Variants in ACO1 observed in about 807,000 individuals in gnomAD.
ACO1 encodes aconitase 1.
In ACO1, 78 loss-of-function variants were observed where a neutral mutation model predicts 105.1. The observed-to-expected ratio is 0.74, with a 90% CI of 0.62 to 0.90. ACO1 has a LOEUF of 0.90. ACO1 is among the 40% of genes least tolerant of loss of function. The probability of loss-of-function intolerance (pLI) is 0.00; values close to 1 mark genes in which losing one functional copy is unlikely to be tolerated. For missense variants in ACO1, 965 were observed against 1,111.1 expected (o/e 0.87, Z 1.87); for synonymous variants, 364 against 397.4 (o/e 0.92, Z 1.00).
chr9:32,406,152 A>G (rs1342553308), intron 2 of ACO1, among the ~76,000 whole-genome samples: 3 of 152,232 alleles, frequency 2.0e-5, no homozygotes, highest in Admixed American at 6.5e-5. Flanking sequence ...TCCAGTTACC[A>G]CTGGCCATGC....
chr9:32,425,953 C>T lies in ACO1; in HGVS notation c.1304C>T (p.Thr435Ile). The change falls in exon 11 of 21, where the codon ACT becomes ATT. Residue 435 changes from threonine (T) to isoleucine (I), a missense_variant. Transcript: ENST00000309951. Reference protein sequence around the residue: ...AHGSVVIAAITSCTNTSNPSV... With the variant: ...AHGSVVIAAIISCTNTSNPSV... ...GGTTCTGTGGTCATTGCTGCCATTA[C>T]TAGCTGCACAAACACCAGTAATCCG... 7 of 1,614,074 alleles carry T rather than the reference C, an allele frequency of 4.3e-6. No individual in the cohort carries two copies. Among genetic ancestry groups the T allele is most frequent in the Non-Finnish European group, 5.1e-6 (6 of 1,179,978 alleles).
chr9:32,418,470 C>G lies in ACO1; in HGVS notation c.617C>G (p.Ser206Trp). ...CCAGACAGCCTCGTGGGCACAGACTCGCACACTACCATGATTGATGGCTTG... is the reference window on the plus strand; with the variant it reads ...CCAGACAGCCTCGTGGGCACAGACTGGCACACTACCATGATTGATGGCTTG... ...YYPDSLVGTDSHTTMIDGLGI... is the reference protein window; with the variant it reads ...YYPDSLVGTDWHTTMIDGLGI... Residue 206 changes from serine (S) to tryptophan (W), a missense_variant, in exon 6 of 21, where the codon TCG becomes TGG. Ser to Trp is a radical substitution (Grantham distance 177, BLOSUM62 -3). Coordinates refer to ENST00000309951, the MANE Select transcript of ACO1 (RefSeq NM_002197.3). 6.2e-7 allele frequency: 1 copy of G among 1,614,138 alleles called. No homozygotes were observed. The highest frequency in any genetic ancestry group is 8.5e-7 in the Non-Finnish European group (1 of 1,180,010).
At chr9:32,432,491 TCTTCACAAGGTG>T (rs1325768307) in intron 15 of ACO1, among the ~76,000 whole-genome samples, 1 of 152,186 alleles carries the variant, frequency 6.6e-6, no homozygotes, top group Non-Finnish European at 1.5e-5. Flanking sequence ...CACGCTGCAC[TCTTCACAAGGTG>T]CTCCTTGGGA....
At chr9:32,414,818 T>A (rs983277540) in intron 4 of ACO1, among the ~76,000 whole-genome samples, 1 of 152,184 alleles carries the variant, frequency 6.6e-6, no homozygotes, top group Non-Finnish European at 1.5e-5. Context: ...TTTCCTTTTT[T>A]AAAAAAATTA....
rs140425618 is a variant in ACO1 at position 32,422,561 on chromosome 9, G to A, written c.971-758G>A. Among the ~76,000 whole-genome samples, 730 of 152,274 alleles carry A rather than the reference G, an allele frequency of 4.8e-3. 7 individuals carry two copies. Among genetic ancestry groups the A allele is most frequent in the African/African-American group, 0.016 (680 of 41,558 alleles). On this transcript the variant is annotated intron_variant, in intron 8 of 20. Coordinates refer to ENST00000309951, the MANE Select transcript of ACO1 (RefSeq NM_002197.3). Reference sequence around the variant, plus strand: ...CAGAGAAATTGTGGACTGCATGTCCGTTGGGCATACTTCATGAGTATTATC... The same window carrying A: ...CAGAGAAATTGTGGACTGCATGTCCATTGGGCATACTTCATGAGTATTATC...
rs1483168076 is a variant in ACO1, at chr9:32,453,512, A to G, written c.*3401A>G. 3 of 152,082 alleles carry G rather than the reference A, an allele frequency of 2.0e-5. No individual in the cohort carries two copies. The highest frequency in any genetic ancestry group is 1.3e-4 in the Admixed American group (2 of 15,262). 9.4% of individuals were successfully genotyped at this position (152,082 alleles called of 1,614,324 possible). A position where few individuals can be genotyped will look rare whatever the true frequency, so the allele number is the denominator to read the frequency against. On this transcript the variant is annotated 3_prime_UTR_variant, in exon 21 of 21. Transcript: ENST00000309951. ...CATACCTTCTGTTGGCCTCTGCAGT[A>G]GAGTGGCCTCTTCTGGGCCCTTCCA...
At chr9:32,394,136 AC>A (rs1821322010) in intron 1 of ACO1, among the ~76,000 whole-genome samples, 2 of 152,170 alleles carry the variant, frequency 1.3e-5, no homozygotes, top group Admixed American at 1.3e-4. Flanking sequence ...ACAATGTCAC[AC>A]TTTTGTGCCT....
At chr9:32,431,637 G>A (rs574949939) in intron 14 of ACO1, 82 bp from the exon 15 acceptor site, 23 of 1,478,080 alleles carry the variant, frequency 1.6e-5, no homozygotes, top group East Asian at 6.8e-5. Context: ...CATAACTACC[G>A]AGGAGAACGA....
intron 1 of ACO1, among the ~76,000 whole-genome samples, chr9:32,393,041 A>T (rs997374199): frequency 6.6e-6 from 1 of 152,204 alleles, no homozygotes; most frequent in Non-Finnish European, 1.5e-5. Flanking sequence ...TTAACTGCAC[A>T]AATTGTTTGT....
At position 32,439,054 on chromosome 9, in the gene ACO1, T is replaced by C. The variant is rs1390047680; in HGVS notation, c.2248-1411T>C. 5.3e-5 allele frequency among the ~76,000 whole-genome samples: 8 copies of C among 152,216 alleles called. No homozygotes were observed. Among genetic ancestry groups the C allele is most frequent in the Non-Finnish European group, 5.9e-5 (4 of 68,038 alleles). On this transcript the variant is annotated intron_variant, in intron 18 of 20. Transcript: ENST00000309951. This position sits in a 1 kb window ranked among gnomAD's most constrained non-coding sequence, Gnocchi z 4.0. ...TCTAAGCTGTCAGTGGCTCTCAGCA[T>C]GGCGTGTTTAATAGAAAAGTCAGGA...
intron 1 of ACO1, among the ~76,000 whole-genome samples, chr9:32,400,850 T>C (rs1252288187): frequency 6.6e-6 from 1 of 152,204 alleles, no homozygotes; most frequent in Non-Finnish European, 1.5e-5. Context: ...TGTGTTATTC[T>C]ATTTGTAATC....
At chr9:32,389,419 A>T (rs1821219538) in intron 1 of ACO1, among the ~76,000 whole-genome samples, 1 of 152,168 alleles carries the variant, frequency 6.6e-6, no homozygotes. Context: ...TGTTGAGGAC[A>T]GTTCTTCCAT....
chr9:32,396,068 C>G (rs946438764), intron 1 of ACO1, among the ~76,000 whole-genome samples: 1 of 152,120 alleles, frequency 6.6e-6, no homozygotes, highest in Non-Finnish European at 1.5e-5. Context: ...ACACATCTGC[C>G]GAGTGAGTCA....
At chr9:32,407,660 T>C (rs1821645533) in intron 3 of ACO1, among the ~76,000 whole-genome samples, 1 of 152,244 alleles carries the variant, frequency 6.6e-6, no homozygotes. Flanking sequence ...CCACTTTTTC[T>C]AATAGGAAGG....
chr9:32,430,508 C>T lies in ACO1; in HGVS notation c.1660C>T (p.Pro554Ser). ...CACCCGGGCCAACTATTTAGCCTCT[C>T]CCCCCTTAGTAATAGCATATGCAAT... is the stretch of plus-strand genomic sequence containing the variant. ...PNTRANYLAS[P>S]PLVIAYAIAG... The change falls in exon 14 of 21, where the codon CCC becomes TCC. Residue 554 changes from proline (P) to serine (S), a missense_variant. Pro to Ser is a moderately conservative substitution (Grantham distance 74). Transcript: ENST00000309951. The T allele has an allele frequency of 6.2e-7, 1 of 1,611,536 alleles. No individual in the cohort carries two copies. The highest frequency in any genetic ancestry group is 8.5e-7 in the Non-Finnish European group (1 of 1,179,074).
At position 32,407,356 on chromosome 9, in the gene ACO1, C is replaced by T; in HGVS notation, c.193C>T (p.His65Tyr). 1 of 1,614,106 alleles carries T rather than the reference C, an allele frequency of 6.2e-7. No individual in the cohort carries two copies. The highest frequency in any genetic ancestry group is 8.5e-7 in the Non-Finnish European group (1 of 1,179,994). ...VKKQDIENILHWNVTQHKNIE... is the reference protein window; with the variant it reads ...VKKQDIENILYWNVTQHKNIE... ...GAAACAGGATATTGAAAATATTCTACATTGGAATGTCACGCAGCACAAGAA... is the reference window on the plus strand; with the variant it reads ...GAAACAGGATATTGAAAATATTCTATATTGGAATGTCACGCAGCACAAGAA... The change falls in exon 3 of 21, where the codon CAT (histidine) becomes TAT (tyrosine). Residue 65 changes from histidine to tyrosine, a missense_variant. Physicochemically the swap from His to Tyr is moderately conservative, Grantham distance 83. Transcript: ENST00000309951.
At chr9:32,419,743 G>A (rs1821928742) in intron 7 of ACO1, among the ~76,000 whole-genome samples, 1 of 152,082 alleles carries the variant, frequency 6.6e-6, no homozygotes, top group Admixed American at 6.5e-5. Flanking sequence ...TTACATTATT[G>A]TAACATATAT....
chr9:32,410,592 T>A (rs1337879187), intron 4 of ACO1, among the ~76,000 whole-genome samples: 2 of 151,604 alleles, frequency 1.3e-5, no homozygotes, highest in Non-Finnish European at 1.5e-5. Context: ...AAGTTAAACT[T>A]GAAAAAAAAA....
intron 14 of ACO1, among the ~76,000 whole-genome samples, 168 bp downstream of exon 14, chr9:32,430,742 A>G (rs534464841): frequency 1.1e-3 from 170 of 152,348 alleles, no homozygotes; most frequent in Middle Eastern, 3.4e-3. Flanking sequence ...TAACTGCAGT[A>G]GTTAAAACAA....
Sources: gnomAD v4.1 joint callset for allele counts (sites outside exome capture counted in the v4.1 genomes callset) on GRCh38, gnomAD v4.1.1 for gene constraint, Gnocchi (gnomAD v3.1) non-coding constraint, MANE v1.5 for transcripts, NCBI Gene and HGNC (gene_info 2026-07-23, HGNC 2026-07-21) for gene names.